The following USP32 variants were observed in gnomAD, a reference collection of about 807,000 sequenced individuals.
The protein encoded by USP32 is ubiquitin carboxyl-terminal hydrolase 32.
USP32 carries 59 observed loss-of-function variants against 204.8 expected under a neutral mutation model. That is an observed-to-expected ratio of 0.29 (90% CI 0.23 to 0.36). The LOEUF (loss-of-function observed/expected upper bound fraction) is 0.36. Ranked by LOEUF, USP32 falls within the 10% of genes least tolerant of loss-of-function variation. The pLI is 1.00. For missense variants in USP32, 1,160 were observed against 1,946.4 expected (o/e 0.60, Z 7.60); for synonymous variants, 517 against 678.4 (o/e 0.76, Z 3.70).
rs1288260658 is a variant in USP32, at chr17:60,392,029, A to T, written c.-90T>A. 4.2e-6 allele frequency: 6 copies of T among 1,431,896 alleles called. No homozygotes were observed. Among genetic ancestry groups the T allele is most frequent in the African/African-American group, 1.6e-5 (1 of 62,312 alleles). The allele number at this position is 1,431,896 out of a possible 1,614,324, so 88.7% of individuals were successfully genotyped here. On this transcript the variant is annotated 5_prime_UTR_variant, in exon 1 of 34. Transcript: ENST00000300896. ...TCCTCGGCGTCCCTGGGTGACGGTG[A>T]CGGTGTCGGCGTCCCCCGCCCCCAC...
chr17:60,196,265 C>G (rs1185346841), intron 27 of USP32, among the ~76,000 whole-genome samples: 1 of 138,528 alleles, frequency 7.2e-6, no homozygotes, highest in Non-Finnish European at 1.5e-5. Context: ...ATTCTATCCC[C>G]ACGCCAAAAA....
At chr17:60,411,853 T>C (rs1312354004) in intron 1 of USP32, among the ~76,000 whole-genome samples, 1 of 152,212 alleles carries the variant, frequency 6.6e-6, no homozygotes, top group Admixed American at 6.5e-5. Flanking sequence ...TTCTATTGCA[T>C]GCATATACCA....
At chr17:60,237,982 A>G (rs191895080) in intron 11 of USP32, among the ~76,000 whole-genome samples, 15 of 152,274 alleles carry the variant, frequency 9.9e-5, no homozygotes, top group East Asian at 9.6e-4. Flanking sequence ...TTGCTGAGGA[A>G]CTGCCAAACT....
chr17:60,363,700 C>T (rs2089257904), intron 1 of USP32, among the ~76,000 whole-genome samples: 1 of 151,554 alleles, frequency 6.6e-6, no homozygotes, highest in Non-Finnish European at 1.5e-5. Flanking sequence ...AGTCTCCCTA[C>T]GTTGCCCAGG....
chr17:60,409,363 A>G (rs2090001935), intron 1 of USP32, among the ~76,000 whole-genome samples: 1 of 152,038 alleles, frequency 6.6e-6, no homozygotes, highest in East Asian at 1.9e-4. Flanking sequence ...CAAAAACAAA[A>G]CTTTTCTCAA....
intron 6 of USP32, 26 bp downstream of exon 6, chr17:60,271,324 T>C: frequency 6.2e-7 from 1 of 1,612,054 alleles, no homozygotes; most frequent in Non-Finnish European, 8.5e-7. Flanking sequence ...CCAGTGAACA[T>C]ATGTAGAAAA....
chr17:60,343,751 G>GC (rs1417963227), intron 2 of USP32, among the ~76,000 whole-genome samples: 7 of 152,172 alleles, frequency 4.6e-5, no homozygotes, highest in African/African-American at 1.7e-4. Context: ...ACTAGAGAAG[G>GC]CCAGGCATGG....
intron 1 of USP32, among the ~76,000 whole-genome samples, chr17:60,406,536 G>A (rs750331338): frequency 8.8e-4 from 132 of 150,562 alleles, no homozygotes; most frequent in Non-Finnish European, 1.8e-3. Flanking sequence ...TCTTTTTTGA[G>A]ACAGAGACTT....
intron 2 of USP32, among the ~76,000 whole-genome samples, chr17:60,306,499 G>C (rs540651808): frequency 6.6e-6 from 1 of 151,994 alleles, no homozygotes; most frequent in Non-Finnish European, 1.5e-5. Context: ...TTAGCTGGGC[G>C]TTGTGGTGGG....
At chr17:60,260,999 G>C (rs1054549732) in intron 9 of USP32, among the ~76,000 whole-genome samples, 1 of 152,152 alleles carries the variant, frequency 6.6e-6, no homozygotes, top group Admixed American at 6.5e-5. Flanking sequence ...TGAACTCTAC[G>C]GGTGAGGATA....
chr17:60,339,463 A>C (rs2088604054), intron 2 of USP32, among the ~76,000 whole-genome samples: 1 of 151,500 alleles, frequency 6.6e-6, no homozygotes, highest in African/African-American at 2.4e-5. Flanking sequence ...GGCACCTGCA[A>C]TCCCAGCTAC....
chr17:60,360,964 A>C (rs1454827412), intron 1 of USP32, among the ~76,000 whole-genome samples: 4 of 151,896 alleles, frequency 2.6e-5, no homozygotes, highest in Non-Finnish European at 5.9e-5. Flanking sequence ...CCCCATCTCT[A>C]CTAAAAATAC....
chr17:60,296,348 T>A (rs1185875361), intron 3 of USP32, among the ~76,000 whole-genome samples: 1 of 152,144 alleles, frequency 6.6e-6, no homozygotes, highest in African/African-American at 2.4e-5. Flanking sequence ...TGGGACCCAA[T>A]ATAATATGAC....
chr17:60,273,677 G>A (rs1484266575), intron 5 of USP32, among the ~76,000 whole-genome samples: 1 of 152,082 alleles, frequency 6.6e-6, no homozygotes, highest in East Asian at 1.9e-4. Flanking sequence ...GTCAATAGAG[G>A]GCTGGATGTG....
intron 29 of USP32, among the ~76,000 whole-genome samples, chr17:60,190,135 T>TC (rs2084341231): frequency 6.6e-6 from 1 of 152,148 alleles, no homozygotes; most frequent in Non-Finnish European, 1.5e-5. Context: ...AGCGGGCTGT[T>TC]AGAAAGCGAG....
At chr17:60,306,057 T>C (rs906457265) in intron 2 of USP32, among the ~76,000 whole-genome samples, 62 of 151,620 alleles carry the variant, frequency 4.1e-4, no homozygotes, top group African/African-American at 1.3e-3. Context: ...ACACCTCTAA[T>C]GTCTAAGTAC....
intron 9 of USP32, among the ~76,000 whole-genome samples, chr17:60,258,811 T>C (rs1193888649): frequency 6.6e-6 from 1 of 152,182 alleles, no homozygotes; most frequent in African/African-American, 2.4e-5. Flanking sequence ...TGCTTCTCTA[T>C]GATAACTATA....
At chr17:60,399,533 T>A (rs555633592) in intron 1 of USP32, among the ~76,000 whole-genome samples, 1 of 152,050 alleles carries the variant, frequency 6.6e-6, no homozygotes, top group South Asian at 2.1e-4. Flanking sequence ...TGTGGTGGCA[T>A]GTGCCTGTAG....
intron 1 of USP32, among the ~76,000 whole-genome samples, chr17:60,383,501 A>G (rs1370797301): frequency 3.3e-5 from 5 of 152,234 alleles, no homozygotes; most frequent in African/African-American, 1.2e-4. Context: ...CAGACCTGAC[A>G]ATAAACGTGA....
Sources: gnomAD v4.1 joint callset for allele counts (sites outside exome capture counted in the v4.1 genomes callset) on GRCh38, gnomAD v4.1.1 for gene constraint, MANE v1.5 for transcripts, NCBI Gene and HGNC (gene_info 2026-07-23, HGNC 2026-07-21) for gene names.